Variants in DLG2 observed in about 807,000 individuals in gnomAD.
DLG2 encodes discs large MAGUK scaffold protein 2, also known as disks large homolog 2.
Under a neutral mutation model 132.5 loss-of-function variants are expected in DLG2, and 45 were observed. The observed-to-expected ratio is 0.34, with a 90% CI of 0.27 to 0.44. DLG2 has a LOEUF of 0.44. Ranked by LOEUF, DLG2 falls within the 20% of genes least tolerant of loss-of-function variation. The pLI is 1.00. For synonymous variants in DLG2, 424 were observed against 419.6 expected, an observed-to-expected ratio of 1.01 and a Z score of -0.13; for missense variants, 1,045 against 1,196.9, an observed-to-expected ratio of 0.87 and a Z score of 1.87.
At chr11:83,698,788 G>A (rs1473406893) in intron 18 of DLG2, among the ~76,000 whole-genome samples, 2 of 152,068 alleles carry the variant, frequency 1.3e-5, no homozygotes, top group East Asian at 3.9e-4. Context: ...CACATCCTAT[G>A]TTATCTCTTC....
At chr11:84,115,683 C>T (rs2154196401) in intron 9 of DLG2, among the ~76,000 whole-genome samples, 1 of 152,262 alleles carries the variant, frequency 6.6e-6, no homozygotes, top group East Asian at 1.9e-4. Context: ...TTCTTCAGAT[C>T]CCAGCTCAAG....
At chr11:84,040,157 C>A (rs1452916908) in intron 11 of DLG2, among the ~76,000 whole-genome samples, 2 of 149,906 alleles carry the variant, frequency 1.3e-5, no homozygotes, top group African/African-American at 2.4e-5. Context: ...AAATTTTCTC[C>A]CATTTTGTAG....
rs141095059 is a variant in DLG2 at position 83,464,741 on chromosome 11, C to T, written c.2729+1967G>A. On this transcript the variant is annotated intron_variant, in intron 26 of 27. Transcript: ENST00000376104. Reference sequence around the variant, plus strand: ...ATGGGACTGTCTCCTAATATTGCACCGGACCAAATGTGCCACTGCTGTCGT... The same window carrying T: ...ATGGGACTGTCTCCTAATATTGCACTGGACCAAATGTGCCACTGCTGTCGT... Among the ~76,000 whole-genome samples, 82 of 152,286 alleles carry T rather than the reference C, an allele frequency of 5.4e-4. 1 individual carries two copies. Among genetic ancestry groups the T allele is most frequent in the Admixed American group, 8.5e-4 (13 of 15,302 alleles).
chr11:84,022,754 G>A (rs2095431204), intron 11 of DLG2, among the ~76,000 whole-genome samples: 1 of 152,024 alleles, frequency 6.6e-6, no homozygotes, highest in Admixed American at 6.6e-5. Context: ...GGAGTAGGGT[G>A]GTGGGAAGTA....
At chr11:83,613,147 G>A (rs477046) in intron 19 of DLG2, among the ~76,000 whole-genome samples, 48,045 of 152,030 alleles carry the variant, frequency 0.32, 8,800 homozygotes, top group East Asian at 0.51. Context: ...GAGGGGAAAA[G>A]CTAGGGTTAG....
At chr11:84,891,903 C>T (rs2089457962) in intron 6 of DLG2, among the ~76,000 whole-genome samples, 1 of 152,074 alleles carries the variant, frequency 6.6e-6, no homozygotes, top group African/African-American at 2.4e-5. Flanking sequence ...TAGGATGCAC[C>T]ATTTATTATA....
intron 3 of DLG2, among the ~76,000 whole-genome samples, chr11:85,432,689 A>G (rs1278640160): frequency 1.3e-5 from 2 of 152,160 alleles, no homozygotes; most frequent in Non-Finnish European, 2.9e-5. Context: ...CCGCAGCTAC[A>G]ACTGATTAGA....
At chr11:83,773,488 C>T (rs779593157) in intron 18 of DLG2, among the ~76,000 whole-genome samples, 1 of 152,170 alleles carries the variant, frequency 6.6e-6, no homozygotes, top group African/African-American at 2.4e-5. Context: ...TAATCTTTTG[C>T]TTTCATGCAC....
Position 85,470,750 on chromosome 11 carries a change from T to G in DLG2, c.40+127907A>C, listed in dbSNP as rs576044696. ...CTCAACCAAAAATAAAAAAGAATAT[T>G]TTCATGTTACTAGATGGTTCTGGCT... On this transcript the variant is annotated intron_variant, in intron 3 of 27. Coordinates refer to ENST00000376104, the MANE Select transcript of DLG2 (RefSeq NM_001142699.3). Among the ~76,000 whole-genome samples the G allele has an allele frequency of 2.6e-5, 4 of 152,148 alleles. No individual in the cohort carries two copies. The South Asian group carries it at 8.3e-4, about 32-fold the overall frequency.
chr11:85,073,241 G>T (rs2066109956), intron 6 of DLG2, among the ~76,000 whole-genome samples: 1 of 151,732 alleles, frequency 6.6e-6, no homozygotes, highest in Non-Finnish European at 1.5e-5. Context: ...AAAGCACAAG[G>T]AATTCCCTTC....
intron 4 of DLG2, among the ~76,000 whole-genome samples, chr11:85,251,442 T>A (rs1345342022): frequency 1.3e-5 from 2 of 152,172 alleles, no homozygotes; most frequent in African/African-American, 2.4e-5. Context: ...ATAGCACAGA[T>A]CTGTCACAAT....
Position 83,699,567 on chromosome 11 carries a change from G to A in DLG2, c.1826-66242C>T, listed in dbSNP as rs576098105. Among the ~76,000 whole-genome samples the A allele has an allele frequency of 9.2e-4, 138 of 149,536 alleles. 1 individual carries two copies. Among genetic ancestry groups the A allele is most frequent in the South Asian group, 9.0e-3 (42 of 4,684 alleles). On this transcript the variant is annotated intron_variant, in intron 18 of 27. Coordinates refer to ENST00000376104, the MANE Select transcript of DLG2 (RefSeq NM_001142699.3). The stretch of plus-strand genomic sequence containing the variant: ...AAAGAAAAAAAAAAAAAAACTAGCC[G>A]GGCGTGGTGGTGGGTGCCTGCAGTC...
intron 6 of DLG2, among the ~76,000 whole-genome samples, chr11:85,024,945 T>C (rs1394197011): frequency 1.3e-5 from 2 of 152,166 alleles, no homozygotes; most frequent in African/African-American, 2.4e-5. Context: ...AGTTAGAAAG[T>C]AGAATATTCC....
rs570622974 is a variant in DLG2 at position 84,904,480 on chromosome 11, A to G, written c.357+207181T>C. On this transcript the variant is annotated intron_variant, in intron 6 of 27. Coordinates refer to ENST00000376104, the MANE Select transcript of DLG2 (RefSeq NM_001142699.3). ...TCAGATCTTATTTTTTAACTAAATC[A>G]GACTATACTGTTTCCTAAATGTTTT... is the stretch of plus-strand genomic sequence containing the variant. Among the ~76,000 whole-genome samples, 3 of 152,288 alleles carry G rather than the reference A, an allele frequency of 2.0e-5. No homozygotes were observed. The East Asian group carries it at 5.8e-4, about 29-fold the overall frequency.
chr11:83,530,523 A>C lies in DLG2; in HGVS notation c.2193+2185T>G, dbSNP rs118043753. Among the ~76,000 whole-genome samples, 116 of 152,142 alleles carry C rather than the reference A, an allele frequency of 7.6e-4. 1 individual carries two copies. Among genetic ancestry groups the C allele is most frequent in the Non-Finnish European group, 1.4e-3 (95 of 67,922 alleles). ...GAAAGACGAAAGAAAGGATATGAAG[A>C]AAAAGAGAACGGGAAGAGAGAAGAT... On this transcript the variant is annotated intron_variant, in intron 21 of 27. Coordinates refer to ENST00000376104, the MANE Select transcript of DLG2 (RefSeq NM_001142699.3).
At chr11:85,049,881 CAA>C (rs946435238) in intron 6 of DLG2, among the ~76,000 whole-genome samples, 1 of 151,976 alleles carries the variant, frequency 6.6e-6, no homozygotes, top group African/African-American at 2.4e-5. Flanking sequence ...TACATCAAAA[CAA>C]AAAGTCATTA....
At chr11:83,541,646 G>A in intron 20 of DLG2, 36 bp downstream of exon 20, 1 of 1,514,516 alleles carries the variant, frequency 6.6e-7, no homozygotes, top group Non-Finnish European at 8.9e-7. Context: ...CTGGATAGCT[G>A]ACAAGCAAAT....
At chr11:83,479,561 T>C (rs886308245) in intron 22 of DLG2, among the ~76,000 whole-genome samples, 1 of 152,086 alleles carries the variant, frequency 6.6e-6, no homozygotes, top group Non-Finnish European at 1.5e-5. Flanking sequence ...AGTAAAAATA[T>C]GTATCTATGT....
intron 4 of DLG2, among the ~76,000 whole-genome samples, chr11:85,282,178 A>T (rs1595919975): frequency 6.6e-6 from 1 of 152,006 alleles, no homozygotes; most frequent in Non-Finnish European, 1.5e-5. Context: ...ATGCAGATGG[A>T]AAGTTGAATG....
Sources: allele counts gnomAD v4.1 joint callset (sites outside exome capture counted in the v4.1 genomes callset), GRCh38; gene constraint gnomAD v4.1.1; transcripts MANE v1.5; gene names NCBI Gene and HGNC (gene_info 2026-07-23, HGNC 2026-07-21).